The following PLPP1 variants were observed in gnomAD, a reference collection of about 807,000 sequenced individuals.
PLPP1 encodes the protein phospholipid phosphatase 1.
Under a neutral mutation model 31.2 loss-of-function variants are expected in PLPP1, and 24 were observed. That is an observed-to-expected ratio of 0.77 (90% confidence interval 0.56 to 1.08). PLPP1 has a LOEUF of 1.08. Ranked by LOEUF, PLPP1 falls within the 50% of genes least tolerant of loss-of-function variation. The probability of loss-of-function intolerance (pLI) is 0.00; values close to 1 mark genes in which losing one functional copy is unlikely to be tolerated. For missense variants in PLPP1, 319 were observed against 342.7 expected (o/e 0.93, Z 0.55); for synonymous variants, 146 against 126.3 (o/e 1.16, Z -1.05).
rs542903787 is a variant in PLPP1, at chr5:55,474,699, T to A, written c.210+600A>T. Among the ~76,000 whole-genome samples the A allele has an allele frequency of 2.6e-5, 4 of 152,330 alleles. No individual in the cohort carries two copies. The South Asian group carries it at 8.3e-4, about 32-fold the overall frequency. ...ACATCACTTAGCAAAATTTTTCTTT[T>A]CTAGAACTCAGTACAGAGGGAGAAT... On this transcript the variant is annotated intron_variant, in intron 2 of 5. Coordinates refer to ENST00000307259, the MANE Select transcript of PLPP1 (RefSeq NM_003711.4).
intron 4 of PLPP1, among the ~76,000 whole-genome samples, chr5:55,438,869 C>T (rs1310711860): frequency 6.6e-6 from 1 of 151,480 alleles, no homozygotes; most frequent in Non-Finnish European, 1.5e-5. Flanking sequence ...CCACTGCACT[C>T]CAGCCTGGGT....
intron 4 of PLPP1, among the ~76,000 whole-genome samples, chr5:55,431,268 AAGTC>A (rs1751341018): frequency 6.6e-6 from 1 of 152,252 alleles, no homozygotes; most frequent in African/African-American, 2.4e-5. Flanking sequence ...AAACTGTCAA[AAGTC>A]AGAGAATAAA....
intron 1 of PLPP1, among the ~76,000 whole-genome samples, chr5:55,519,240 A>G (rs1753613676): frequency 6.6e-6 from 1 of 152,254 alleles, no homozygotes; most frequent in South Asian, 2.1e-4. Context: ...TTTTGATAAC[A>G]TCACAATTTA....
intron 3 of PLPP1, among the ~76,000 whole-genome samples, chr5:55,466,652 A>C (rs1438582496): frequency 6.6e-6 from 1 of 151,992 alleles, no homozygotes; most frequent in African/African-American, 2.4e-5. Context: ...GCAGTGAGCC[A>C]AGATCATGCC....
rs879081607 is a variant in PLPP1 at position 55,425,010 on chromosome 5, T to G, written c.*196A>C. ...TTTGGTGGAAGGCTTGGAGTTTTTT[T>G]AATGAGTTTAGAGCTATTAGATAAC... On this transcript the variant is annotated 3_prime_UTR_variant, in exon 6 of 6. Coordinates refer to ENST00000307259, the MANE Select transcript of PLPP1 (RefSeq NM_003711.4). 2.6e-6 allele frequency: 2 copies of G among 778,732 alleles called. No individual in the cohort carries two copies. Among genetic ancestry groups the G allele is most frequent in the Non-Finnish European group, 2.0e-6 (1 of 498,750 alleles). 48.2% of individuals were successfully genotyped at this position (778,732 alleles called of 1,614,324 possible).
intron 1 of PLPP1, chr5:55,508,935 GAAC>G (rs1489642265): frequency 1.4e-4 from 22 of 154,198 alleles, no homozygotes; most frequent in Admixed American, 1.3e-3. Context: ...GGAGAGCAGA[GAAC>G]AACTAGAGCT....
chr5:55,445,233 C>T lies in PLPP1; in HGVS notation c.492-3325G>A, dbSNP rs560182339. Among the ~76,000 whole-genome samples the T allele has an allele frequency of 2.6e-5, 4 of 152,276 alleles. No individual in the cohort carries two copies. The East Asian group carries it at 7.7e-4, about 29-fold the overall frequency. On this transcript the variant is annotated intron_variant, in intron 3 of 5. Coordinates refer to ENST00000307259, the MANE Select transcript of PLPP1 (RefSeq NM_003711.4). ...CATGTGAGTTCCCTCCTCGACTGAGCATTCTTCTATCTCTGTGCTCCAACA... is the reference window on the plus strand; with the variant it reads ...CATGTGAGTTCCCTCCTCGACTGAGTATTCTTCTATCTCTGTGCTCCAACA...
intron 3 of PLPP1, among the ~76,000 whole-genome samples, chr5:55,464,477 C>G (rs1198957873): frequency 6.6e-6 from 1 of 152,108 alleles, no homozygotes. Flanking sequence ...CTCAAGTGAT[C>G]CACCCAGCCT....
At chr5:55,498,326 G>C (rs957916496) in intron 1 of PLPP1, among the ~76,000 whole-genome samples, 3 of 151,928 alleles carry the variant, frequency 2.0e-5, no homozygotes, top group African/African-American at 7.3e-5. Flanking sequence ...GTGGGAACAG[G>C]AAAAAGAGGT....
chr5:55,520,553 A>G (rs1753641973), intron 1 of PLPP1, among the ~76,000 whole-genome samples: 1 of 152,210 alleles, frequency 6.6e-6, no homozygotes, highest in South Asian at 2.1e-4. Flanking sequence ...TCACAGCACT[A>G]TGAGAAAGGC....
chr5:55,478,646 TGAG>T (rs1362809068), intron 1 of PLPP1, among the ~76,000 whole-genome samples: 2 of 151,586 alleles, frequency 1.3e-5, no homozygotes, highest in Admixed American at 6.6e-5. Context: ...CAGAGGAAGA[TGAG>T]GAGAGGAAGA....
At chr5:55,433,346 T>G (rs369410435) in intron 4 of PLPP1, among the ~76,000 whole-genome samples, 3 of 144,038 alleles carry the variant, frequency 2.1e-5, no homozygotes, top group South Asian at 2.3e-4. Flanking sequence ...AGAAAAGAAA[T>G]AAAGGCATCC....
At chr5:55,432,323 C>G (rs1343435235) in intron 4 of PLPP1, among the ~76,000 whole-genome samples, 1 of 152,056 alleles carries the variant, frequency 6.6e-6, no homozygotes, top group Non-Finnish European at 1.5e-5. Context: ...ATACAATCTT[C>G]CAAGATTCAA....
intron 1 of PLPP1, among the ~76,000 whole-genome samples, chr5:55,497,888 A>C (rs1753036637): frequency 6.6e-6 from 1 of 152,130 alleles, no homozygotes; most frequent in Non-Finnish European, 1.5e-5. Context: ...CAGGAAAATA[A>C]ACACAGCAAC....
chr5:55,427,121 C>A (rs921479817), intron 4 of PLPP1, among the ~76,000 whole-genome samples: 4 of 151,790 alleles, frequency 2.6e-5, no homozygotes, highest in African/African-American at 9.7e-5. Context: ...TACCTAATTT[C>A]TATCCAATAA....
intron 1 of PLPP1, among the ~76,000 whole-genome samples, chr5:55,495,761 G>A (rs1262703351): frequency 6.6e-6 from 1 of 152,006 alleles, no homozygotes; most frequent in African/African-American, 2.4e-5. Context: ...ACAGAGGAAT[G>A]TCCATCCCTC....
rs1018491496 is a variant in PLPP1, at chr5:55,504,893, C to T, written c.59-29443G>A. Among the ~76,000 whole-genome samples the T allele has an allele frequency of 1.5e-4, 22 of 151,658 alleles. 1 individual carries two copies. Among genetic ancestry groups the T allele is most frequent in the Admixed American group, 1.4e-3 (21 of 15,238 alleles). ...TGACACCAACATGGCTCACCACAGC[C>T]TCAACCTCTGAAGCTCAGGTAATCC... On this transcript the variant is annotated intron_variant, in intron 1 of 5. Transcript: ENST00000307259.
chr5:55,518,737 C>T (rs1354453994), intron 1 of PLPP1, among the ~76,000 whole-genome samples: 1 of 152,214 alleles, frequency 6.6e-6, no homozygotes, highest in Admixed American at 6.5e-5. Context: ...CCATGTGCTC[C>T]TTGTCTTACT....
intron 1 of PLPP1, among the ~76,000 whole-genome samples, chr5:55,513,268 C>CTTTTTTTTTTTTTTTTTTT (rs71600887): frequency 1.7e-5 from 2 of 117,550 alleles, no homozygotes; most frequent in African/African-American, 3.1e-5. Context: ...ATAATGACTC[C>CTTTTTTTTTTTTTTTTTTT]TTTTTTTTTA....
Sources: allele counts gnomAD v4.1 joint callset (sites outside exome capture counted in the v4.1 genomes callset), GRCh38; gene constraint gnomAD v4.1.1; transcripts MANE v1.5; gene names NCBI Gene and HGNC (gene_info 2026-07-23, HGNC 2026-07-21).